Variants in MLIP observed in about 807,000 individuals in gnomAD.
MLIP encodes the protein muscular LMNA interacting protein, also known as muscular LMNA-interacting protein.
Under a neutral mutation model 84.8 loss-of-function variants are expected in MLIP, and 79 were observed. The observed-to-expected ratio is 0.93, with a 90% CI of 0.78 to 1.12. The LOEUF (loss-of-function observed/expected upper bound fraction) is 1.12, where lower values mean the gene tolerates loss of function less well. Among genes scored for constraint, MLIP ranks in the 50% most tolerant of loss-of-function variants. The pLI is 0.00. For missense variants in MLIP, 1,257 were observed against 1,160.6 expected (o/e 1.08, Z -1.21); for synonymous variants, 504 against 463.0 (o/e 1.09, Z -1.14).
intron 11 of MLIP, among the ~76,000 whole-genome samples, chr6:54,211,522 G>A (rs1017407081): frequency 6.6e-6 from 1 of 152,170 alleles, no homozygotes; most frequent in Admixed American, 6.5e-5. Context: ...GAAATCTAGG[G>A]CAGCTTGGTT....
chr6:54,207,413 C>A (rs1048189573), intron 11 of MLIP, among the ~76,000 whole-genome samples: 8 of 142,700 alleles, frequency 5.6e-5, no homozygotes, highest in African/African-American at 1.5e-4. Flanking sequence ...CTCTGCACCC[C>A]CCCCCCCTTT....
chr6:54,214,369 TTCTC>T (rs936959332), intron 11 of MLIP, among the ~76,000 whole-genome samples: 7 of 152,128 alleles, frequency 4.6e-5, no homozygotes, highest in Non-Finnish European at 1.0e-4. Context: ...GCTGGAAAAA[TTCTC>T]TCTAATCTCT....
intron 1 of MLIP, among the ~76,000 whole-genome samples, chr6:54,034,628 A>C (rs1764323895): frequency 6.6e-6 from 1 of 152,186 alleles, no homozygotes; most frequent in Non-Finnish European, 1.5e-5. Flanking sequence ...TAGCTGTACA[A>C]TGTATCTGTT....
chr6:54,076,182 T>C (rs531557846), intron 1 of MLIP, among the ~76,000 whole-genome samples: 2 of 152,224 alleles, frequency 1.3e-5, no homozygotes, highest in Non-Finnish European at 2.9e-5. Context: ...ATCCTCTCCT[T>C]CCCCATGAGC....
intron 3 of MLIP, among the ~76,000 whole-genome samples, chr6:54,133,486 C>T (rs557195168): frequency 1.3e-5 from 2 of 152,082 alleles, no homozygotes; most frequent in African/African-American, 4.8e-5. Flanking sequence ...AGGAAGAGCA[C>T]AACTATATAC....
chr6:54,054,911 G>A (rs1248547958), intron 1 of MLIP, among the ~76,000 whole-genome samples: 4 of 149,498 alleles, frequency 2.7e-5, no homozygotes, highest in Admixed American at 6.7e-5. Flanking sequence ...TTTTTGAGAC[G>A]GAGTCTCGCT....
At chr6:54,035,051 A>C (rs1764348722) in intron 1 of MLIP, among the ~76,000 whole-genome samples, 1 of 152,206 alleles carries the variant, frequency 6.6e-6, no homozygotes, top group Non-Finnish European at 1.5e-5. Context: ...TAGGAGAAAC[A>C]GTCTATACCA....
intron 1 of MLIP, among the ~76,000 whole-genome samples, chr6:54,103,310 T>C (rs192187735): frequency 4.7e-4 from 72 of 152,304 alleles, no homozygotes; most frequent in Admixed American, 3.2e-3. Context: ...AGATATTATC[T>C]AAATATTGCA....
chr6:54,026,955 C>T (rs1035937691), intron 1 of MLIP, among the ~76,000 whole-genome samples: 9 of 152,098 alleles, frequency 5.9e-5, no homozygotes, highest in African/African-American at 2.2e-4. Flanking sequence ...TTGCTATGCT[C>T]TTCATTATTT....
chr6:54,063,253 C>T (rs1766077421), intron 1 of MLIP: 1 of 150,980 alleles, frequency 6.6e-6, no homozygotes, highest in African/African-American at 2.4e-5. Flanking sequence ...ATTGTAAGGT[C>T]TTTTTCTACT....
Position 54,230,733 on chromosome 6 carries a change from A to G in MLIP, c.2738A>G (p.Lys913Arg), listed in dbSNP as rs1780935930. The change falls in exon 12 of 14, where the codon AAG becomes AGG. Residue 913 changes from lysine (K) to arginine (R), a missense_variant. Transcript: ENST00000502396. ...FSEQDVTVPPKPVSLHPLYQT... is the reference protein window; with the variant it reads ...FSEQDVTVPPRPVSLHPLYQT... ...CACCAGGATGTAACAGTCCCTCCCA[A>G]GCCTGTCTCGCTCCATCCTTTATAT... 1 of 1,613,960 alleles carries G rather than the reference A, an allele frequency of 6.2e-7. No homozygotes were observed. Among genetic ancestry groups the G allele is most frequent in the South Asian group, 1.1e-5 (1 of 91,076 alleles).
intron 10 of MLIP, among the ~76,000 whole-genome samples, chr6:54,195,467 T>C (rs1217587647): frequency 2.0e-5 from 3 of 152,098 alleles, no homozygotes; most frequent in African/African-American, 7.2e-5. Flanking sequence ...TAAAAACCCA[T>C]TATTTAAAAA....
intron 8 of MLIP, among the ~76,000 whole-genome samples, chr6:54,164,884 C>A (rs1775021996): frequency 1.3e-5 from 2 of 151,598 alleles, no homozygotes; most frequent in Non-Finnish European, 2.9e-5. Flanking sequence ...TGGGTTATTT[C>A]TAATTCGGAG....
chr6:54,101,563 T>A (rs888223136), intron 1 of MLIP, among the ~76,000 whole-genome samples: 12 of 152,128 alleles, frequency 7.9e-5, no homozygotes, highest in African/African-American at 2.9e-4. Context: ...TTGAACCCAA[T>A]TCTGACTCTA....
At chr6:54,037,597 G>A (rs933637605) in intron 1 of MLIP, among the ~76,000 whole-genome samples, 4 of 152,100 alleles carry the variant, frequency 2.6e-5, no homozygotes, top group Non-Finnish European at 4.4e-5. Flanking sequence ...GTGAAATGAT[G>A]TCTAAGGGGA....
At chr6:54,230,971 G>A (rs750986698) in intron 12 of MLIP, 54 bp downstream of exon 12, 193 of 1,516,416 alleles carry the variant, frequency 1.3e-4, no homozygotes, top group Non-Finnish European at 1.7e-4. Context: ...CCTTCATTAC[G>A]CTTGACTTTT....
chr6:54,210,729 G>T (rs1423456917), intron 11 of MLIP, among the ~76,000 whole-genome samples: 2 of 9,332 alleles, frequency 2.1e-4, no homozygotes, highest in African/African-American at 3.2e-4. Flanking sequence ...TCCAACGGAG[G>T]GAAAAAAAAA....
chr6:54,070,263 C>T (rs905445794), intron 1 of MLIP, among the ~76,000 whole-genome samples: 6 of 152,124 alleles, frequency 3.9e-5, no homozygotes, highest in African/African-American at 1.4e-4. Context: ...TTTCAAAGAG[C>T]CTTAGAATCG....
chr6:54,160,633 A>G (rs748387781), intron 7 of MLIP, 34 bp downstream of exon 7: 1 of 1,569,260 alleles, frequency 6.4e-7, no homozygotes, highest in Non-Finnish European at 8.8e-7. Context: ...CAATTCAAAC[A>G]TTTGCTTTGC....
Sources: gnomAD v4.1 joint callset for allele counts (sites outside exome capture counted in the v4.1 genomes callset) on GRCh38, gnomAD v4.1.1 for gene constraint, MANE v1.5 for transcripts, NCBI Gene and HGNC (gene_info 2026-07-23, HGNC 2026-07-21) for gene names.